Variants in ASS1 observed in about 807,000 individuals in gnomAD.
The protein encoded by ASS1 is argininosuccinate synthase.
A neutral mutation model predicts 60.5 loss-of-function variants in ASS1; 58 were observed. That is an observed-to-expected ratio of 0.96 (90% CI 0.78 to 1.19). The LOEUF is 1.19. Ranked by LOEUF, ASS1 falls within the 50% of genes most tolerant of loss-of-function variation. The pLI is 0.00. For missense variants in ASS1, 454 were observed against 547.3 expected (o/e 0.83, Z 1.70); for synonymous variants, 200 against 206.9 (o/e 0.97, Z 0.29).
chr9:130,477,009 C>T lies in ASS1; in HGVS notation c.688+48C>T. 2 of 1,568,006 alleles carry T rather than the reference C, an allele frequency of 1.3e-6. No homozygotes were observed. The highest frequency in any genetic ancestry group is 3.3e-5 in the Admixed American group (2 of 59,898). ...TCGAAGGGGGTTGACTTTTGGGGCC[C>T]TGGCTCCTTTCCCCTCCCTGCCTGG... On this transcript the variant is annotated intron_variant, in intron 9 of 14. Coordinates refer to ENST00000352480, the MANE Select transcript of ASS1 (RefSeq NM_054012.4). This position sits in a 1 kb window ranked among gnomAD's most constrained non-coding sequence, Gnocchi z 4.2.
Position 130,458,590 on chromosome 9 carries a change from G to C in ASS1, c.363+1G>C. 1 of 1,612,332 alleles carries C rather than the reference G, an allele frequency of 6.2e-7. No homozygotes were observed. The highest frequency in any genetic ancestry group is 8.5e-7 in the Non-Finnish European group (1 of 1,179,714). Reference sequence around the variant, plus strand: ...TGTGTCCCACGGCGCCACAGGAAAGGTGAGGCACCTGGGAAGGGCCGGGCA... The same window carrying C: ...TGTGTCCCACGGCGCCACAGGAAAGCTGAGGCACCTGGGAAGGGCCGGGCA... On this transcript the variant is annotated splice_donor_variant, in intron 4 of 14. Transcript: ENST00000352480. LOFTEE classifies it high-confidence loss of function.
chr9:130,481,378 G>GT (rs1399450576), intron 11 of ASS1, among the ~76,000 whole-genome samples: 5 of 152,236 alleles, frequency 3.3e-5, no homozygotes, highest in Admixed American at 6.5e-5. Context: ...AGGGCTTCCT[G>GT]TTTCGGTAAA....
chr9:130,499,396 G>A, intron 13 of ASS1, 109 bp from the exon 14 acceptor site: 1 of 1,162,286 alleles, frequency 8.6e-7, no homozygotes, highest in Non-Finnish European at 1.3e-6. Context: ...CCCACACAGG[G>A]GAAATGCCCT....
intron 2 of ASS1, among the ~76,000 whole-genome samples, chr9:130,453,568 CAG>C (rs1233199655): frequency 6.6e-6 from 1 of 152,208 alleles, no homozygotes; most frequent in Non-Finnish European, 1.5e-5. Flanking sequence ...GCGGGGCAAT[CAG>C]AGCTGGAGCT....
intron 6 of ASS1, among the ~76,000 whole-genome samples, chr9:130,469,917 C>T (rs1164457388): frequency 6.6e-6 from 1 of 152,100 alleles, no homozygotes; most frequent in Admixed American, 6.6e-5. Context: ...GCTGAAGGGG[C>T]TCAGAGGCAG....
At chr9:130,480,765 G>A (rs1170966497) in intron 11 of ASS1, among the ~76,000 whole-genome samples, 2 of 152,208 alleles carry the variant, frequency 1.3e-5, no homozygotes, top group African/African-American at 2.4e-5. Flanking sequence ...TGTCTGGGGT[G>A]GGCAGGCCGG....
chr9:130,492,381 C>T (rs938876893), intron 12 of ASS1, among the ~76,000 whole-genome samples: 2 of 152,156 alleles, frequency 1.3e-5, no homozygotes, highest in East Asian at 3.9e-4. Flanking sequence ...CTTGTGGTCT[C>T]GGCACAGATA....
In ASS1 at chr9:130,478,081, A is replaced by G. The variant is rs1368749078; in HGVS notation, c.688+1120A>G. Among the ~76,000 whole-genome samples the G allele has an allele frequency of 6.6e-6, 1 of 152,172 alleles. No homozygotes were observed. The highest frequency in any genetic ancestry group is 1.5e-5 in the Non-Finnish European group (1 of 68,030). On this transcript the variant is annotated intron_variant, in intron 9 of 14. Coordinates refer to ENST00000352480, the MANE Select transcript of ASS1 (RefSeq NM_054012.4). The surrounding 1 kb of genome is among the most constrained non-coding windows in gnomAD (Gnocchi z 4.7). ...GGCATGATGCTCACAGGTGCCCGGCATGGTATGTGGAATGGGGTGTCGGAG... is the reference window on the plus strand; with the variant it reads ...GGCATGATGCTCACAGGTGCCCGGCGTGGTATGTGGAATGGGGTGTCGGAG...
intron 1 of ASS1, chr9:130,451,511 A>G (rs1409499336): frequency 6.3e-6 from 2 of 319,600 alleles, no homozygotes; most frequent in Admixed American, 9.1e-5. Flanking sequence ...ACGATGTCTA[A>G]AATTCCAGCC....
rs763154781 is a variant in ASS1 at position 130,452,216 on chromosome 9, C to T, written c.-5-8C>T. The T allele has an allele frequency of 5.6e-6, 9 of 1,613,422 alleles. No homozygotes were observed. The East Asian group carries it at 2.0e-4, about 36-fold the overall frequency. The stretch of plus-strand genomic sequence containing the variant: ...GGGTCACTCAGGTTGTTCCTCGACT[C>T]CCGCCAGACGCTATGTCCAGCAAAG... On this transcript the variant is annotated splice_region_variant and splice_polypyrimidine_tract_variant and intron_variant, in intron 1 of 14. Coordinates refer to ENST00000352480, the MANE Select transcript of ASS1 (RefSeq NM_054012.4).
chr9:130,495,110 C>A (rs954799992), intron 13 of ASS1, 87 bp downstream of exon 13: 86 of 1,470,858 alleles, frequency 5.8e-5, no homozygotes, highest in Non-Finnish European at 7.7e-5. Context: ...TGCCTGAGCA[C>A]ATGTCAGGCA....
Position 130,501,208 on chromosome 9 carries a change from T to C in ASS1, c.*187T>C. 1 of 643,834 alleles carries C rather than the reference T, an allele frequency of 1.6e-6. No homozygotes were observed. The highest frequency in any genetic ancestry group is 2.7e-6 in the Non-Finnish European group (1 of 367,182). 39.9% of individuals were successfully genotyped at this position (643,834 alleles called of 1,614,324 possible). A position where few individuals can be genotyped will look rare whatever the true frequency, so the allele number is the denominator to read the frequency against. On this transcript the variant is annotated 3_prime_UTR_variant, in exon 15 of 15. Coordinates refer to ENST00000352480, the MANE Select transcript of ASS1 (RefSeq NM_054012.4). ...CAAACGTTGTCATCGAAGGGAAGGG[T>C]GGGGGGCAGCTGCGGTGGGGAGCTA...
chr9:130,487,404 T>TG (rs896931730), intron 11 of ASS1, among the ~76,000 whole-genome samples: 29 of 151,664 alleles, frequency 1.9e-4, no homozygotes, highest in Non-Finnish European at 3.4e-4. Flanking sequence ...TTCATGGTTT[T>TG]TTTTTTTTTT....
At chr9:130,463,492 G>A (rs1350551266) in intron 4 of ASS1, among the ~76,000 whole-genome samples, 1 of 152,194 alleles carries the variant, frequency 6.6e-6, no homozygotes, top group African/African-American at 2.4e-5. Flanking sequence ...TGGGTCCCGG[G>A]CCTGCCCTGG....
At chr9:130,461,747 C>T (rs1845600212) in intron 4 of ASS1, among the ~76,000 whole-genome samples, 1 of 152,182 alleles carries the variant, frequency 6.6e-6, no homozygotes, top group Admixed American at 6.5e-5. Flanking sequence ...AATCCAAGGC[C>T]TTGGAGGTGC....
chr9:130,454,903 C>T (rs890596122), intron 3 of ASS1, among the ~76,000 whole-genome samples: 1 of 151,052 alleles, frequency 6.6e-6, no homozygotes, highest in African/African-American at 2.4e-5. Flanking sequence ...CCCATCCACT[C>T]ATCCACCCAT....
rs765020088 is a variant in ASS1, at chr9:130,476,822, G to T, written c.598-49G>T. 6.5e-7 allele frequency: 1 copy of T among 1,539,150 alleles called. No homozygotes were observed. Among genetic ancestry groups the T allele is most frequent in the South Asian group, 1.1e-5 (1 of 89,536 alleles). On this transcript the variant is annotated intron_variant, in intron 8 of 14. Coordinates refer to ENST00000352480, the MANE Select transcript of ASS1 (RefSeq NM_054012.4). This position sits in a 1 kb window ranked among gnomAD's most constrained non-coding sequence, Gnocchi z 4.9. The stretch of plus-strand genomic sequence containing the variant: ...CCCCGCGGGAGGTGGGCTGTAGGGT[G>T]TCCAGGGACTGGTATGTCATCTGCC...
At chr9:130,490,463 G>C (rs1436769940) in intron 12 of ASS1, among the ~76,000 whole-genome samples, 1 of 151,948 alleles carries the variant, frequency 6.6e-6, no homozygotes, top group Non-Finnish European at 1.5e-5. Context: ...ACAGGCATGC[G>C]CCACCATGCC....
chr9:130,461,735 G>A (rs1845599804), intron 4 of ASS1, among the ~76,000 whole-genome samples: 1 of 152,194 alleles, frequency 6.6e-6, no homozygotes, highest in Admixed American at 6.5e-5. Context: ...GGGAGCGAGG[G>A]GAATCCAAGG....
Sources: gnomAD v4.1 joint callset for allele counts (sites outside exome capture counted in the v4.1 genomes callset) on GRCh38, gnomAD v4.1.1 for gene constraint, Gnocchi (gnomAD v3.1) non-coding constraint, MANE v1.5 for transcripts, NCBI Gene and HGNC (gene_info 2026-07-23, HGNC 2026-07-21) for gene names.